Variants in MLLT10 observed in about 807,000 individuals in gnomAD.
The protein encoded by MLLT10 is protein AF-10.
MLLT10 carries 30 observed loss-of-function variants against 129.1 expected under a neutral mutation model. That is an observed-to-expected ratio of 0.23 (90% confidence interval 0.17 to 0.32). MLLT10 has a LOEUF of 0.32. Ranked by LOEUF, MLLT10 falls within the 10% of genes least tolerant of loss-of-function variation. The probability of loss-of-function intolerance (pLI) is 1.00; values close to 1 mark genes in which losing one functional copy is unlikely to be tolerated. For missense variants in MLLT10, 1,119 were observed against 1,268.3 expected, an observed-to-expected ratio of 0.88 and a Z score of 1.79; for synonymous variants, 490 against 446.4, an observed-to-expected ratio of 1.10 and a Z score of -1.23.
At chr10:21,554,831 T>TC (rs563786995) in intron 3 of MLLT10, among the ~76,000 whole-genome samples, 46 of 151,594 alleles carry the variant, frequency 3.0e-4, no homozygotes, top group African/African-American at 9.4e-4. Context: ...TTTCTTTCTT[T>TC]TTTTTTTTTA....
intron 9 of MLLT10, among the ~76,000 whole-genome samples, chr10:21,664,903 C>G (rs867174566): frequency 7.8e-5 from 11 of 141,784 alleles, no homozygotes; most frequent in Middle Eastern, 3.7e-3. Context: ...CTTATACTTT[C>G]TTTGTGCCTT....
At chr10:21,536,083 C>T (rs1264181700) in intron 2 of MLLT10, among the ~76,000 whole-genome samples, 1 of 152,194 alleles carries the variant, frequency 6.6e-6, no homozygotes, top group Admixed American at 6.5e-5. Flanking sequence ...GCTGGGATAA[C>T]AAGCACACCC....
chr10:21,539,954 A>G (rs1250033174), intron 3 of MLLT10, among the ~76,000 whole-genome samples: 1 of 150,856 alleles, frequency 6.6e-6, no homozygotes, highest in Non-Finnish European at 1.5e-5. Flanking sequence ...AAAGGAAAAA[A>G]AAAAACAAAA....
intron 5 of MLLT10, among the ~76,000 whole-genome samples, chr10:21,596,362 A>G (rs2043017539): frequency 1.3e-5 from 2 of 152,288 alleles, no homozygotes; most frequent in Admixed American, 6.5e-5. Flanking sequence ...ATAGATACTT[A>G]GTCTGTAATA....
At chr10:21,690,133 A>C (rs2053715773) in intron 13 of MLLT10, among the ~76,000 whole-genome samples, 1 of 152,128 alleles carries the variant, frequency 6.6e-6, no homozygotes, top group Non-Finnish European at 1.5e-5. Flanking sequence ...ATGTGGGTAG[A>C]GAAGACAGAA....
chr10:21,702,116 G>A (rs541061317), intron 13 of MLLT10, among the ~76,000 whole-genome samples: 7 of 151,546 alleles, frequency 4.6e-5, no homozygotes, highest in South Asian at 2.1e-4. Flanking sequence ...TAGTAGAGAC[G>A]GGATTTCACC....
intron 3 of MLLT10, among the ~76,000 whole-genome samples, chr10:21,555,599 G>A (rs368505835): frequency 2.0e-5 from 3 of 151,444 alleles, no homozygotes; most frequent in African/African-American, 7.3e-5. Context: ...CTTTTGTACT[G>A]TTTTGGCCTG....
chr10:21,636,599 A>C (rs2047489128), intron 8 of MLLT10, among the ~76,000 whole-genome samples: 1 of 146,622 alleles, frequency 6.8e-6, no homozygotes, highest in Non-Finnish European at 1.5e-5. Context: ...TTTGAGACGG[A>C]GTTTCACTCT....
Position 21,726,296 on chromosome 10 carries a change from G to A in MLLT10, c.1931G>A (p.Gly644Asp). Residue 644 changes from glycine (G) to aspartate (D), a missense_variant, in exon 15 of 23, where the codon GGC becomes GAC. Gly to Asp is a moderately conservative substitution (Grantham distance 94, BLOSUM62 -1). Around this residue, in one of 5 missense-constraint regions of MLLT10, gnomAD observed 1,004 missense variants for 1,008.7 expected, o/e 1.00. Transcript: ENST00000307729. ...SLSQAPSHMY[G>D]NRSNSSMAAL... ...AGTCAGGCACCATCTCATATGTATG[G>A]CAATAGATCAAATTCATCAATGGCA... The A allele has an allele frequency of 6.2e-7, 1 of 1,613,162 alleles. No homozygotes were observed. The highest frequency in any genetic ancestry group is 1.1e-5 in the South Asian group (1 of 90,968).
At chr10:21,696,596 A>G (rs1454475106) in intron 13 of MLLT10, among the ~76,000 whole-genome samples, 1 of 152,134 alleles carries the variant, frequency 6.6e-6, no homozygotes, top group Non-Finnish European at 1.5e-5. Context: ...TGTTGGAAAC[A>G]TCTTCTATTT....
At chr10:21,601,785 C>T (rs193039086) in intron 5 of MLLT10, among the ~76,000 whole-genome samples, 90 of 152,300 alleles carry the variant, frequency 5.9e-4, no homozygotes, top group African/African-American at 1.6e-3. Context: ...AGTTATTCTT[C>T]GACCTCAGCC....
At chr10:21,559,420 T>C (rs778395923) in intron 3 of MLLT10, among the ~76,000 whole-genome samples, 15 of 152,356 alleles carry the variant, frequency 9.8e-5, no homozygotes, top group Non-Finnish European at 2.1e-4. Context: ...TTTGAATCCA[T>C]GAACATGGTA....
rs145444407 is a variant in MLLT10, at chr10:21,727,874, A to G, written c.2009A>G (p.Asn670Ser). The G allele has an allele frequency of 7.4e-6, 12 of 1,614,062 alleles. No individual in the cohort carries two copies. The highest frequency in any genetic ancestry group is 1.6e-4 in the Middle Eastern group (1 of 6,062). Residue 670 changes from asparagine to serine, a missense_variant, in exon 16 of 23, where the codon AAT becomes AGT. Coordinates refer to ENST00000307729, the MANE Select transcript of MLLT10 (RefSeq NM_001195626.3). ...ACTACAGATCAAGATCTTGGAGACAATAGCCGCAACCTAGTTGGCAGAGGA... is the reference window on the plus strand; with the variant it reads ...ACTACAGATCAAGATCTTGGAGACAGTAGCCGCAACCTAGTTGGCAGAGGA... ...NNQTDQDLGD[N>S]SRNLVGRGSS... is the part of the protein sequence containing the mutation.
intron 3 of MLLT10, among the ~76,000 whole-genome samples, chr10:21,571,497 G>A (rs977302092): frequency 1.9e-4 from 29 of 152,234 alleles, no homozygotes; most frequent in African/African-American, 7.0e-4. Context: ...CTGGGCACAC[G>A]TGCGGCCCAT....
Position 21,740,746 on chromosome 10 carries a change from T to C in MLLT10, c.3162+510T>C, listed in dbSNP as rs77553367. Among the ~76,000 whole-genome samples, 82 of 152,394 alleles carry C rather than the reference T, an allele frequency of 5.4e-4. 1 individual carries two copies. The East Asian group carries it at 0.015, about 28-fold the overall frequency. On this transcript the variant is annotated intron_variant, in intron 22 of 22. Coordinates refer to ENST00000307729, the MANE Select transcript of MLLT10 (RefSeq NM_001195626.3). ...TTAGTTATTAATTTCATGTAAGTGA[T>C]GGCATCGTACCCTTTCAATGTGAAA...
chr10:21,549,082 G>C (rs180713767), intron 3 of MLLT10, among the ~76,000 whole-genome samples: 1 of 149,870 alleles, frequency 6.7e-6, no homozygotes, highest in Non-Finnish European at 1.5e-5. Flanking sequence ...GTGTTTGGCC[G>C]ACCAGATTAT....
intron 4 of MLLT10, among the ~76,000 whole-genome samples, chr10:21,589,329 T>G (rs1226460047): frequency 6.6e-6 from 1 of 151,808 alleles, no homozygotes; most frequent in Non-Finnish European, 1.5e-5. Flanking sequence ...CCAAAGTTTT[T>G]TTTTTTTTTT....
Position 21,733,752 on chromosome 10 carries a change from T to G in MLLT10, c.2497-16T>G. The G allele has an allele frequency of 1.3e-6, 2 of 1,589,100 alleles. No individual in the cohort carries two copies. Among genetic ancestry groups the G allele is most frequent in the Non-Finnish European group, 1.7e-6 (2 of 1,168,276 alleles). ...TAATGTCCAGTGGACTTAGTTTCTC[T>G]TCTTTCTTACGCTAGGACTTAACCT... On this transcript the variant is annotated splice_polypyrimidine_tract_variant and intron_variant, in intron 19 of 22. Transcript: ENST00000307729.
chr10:21,708,267 C>A (rs560370280), intron 13 of MLLT10, among the ~76,000 whole-genome samples: 1 of 152,320 alleles, frequency 6.6e-6, no homozygotes, highest in African/African-American at 2.4e-5. Flanking sequence ...CCTCCCTATC[C>A]TGAACAGATG....
Sources: allele counts gnomAD v4.1 joint callset (sites outside exome capture counted in the v4.1 genomes callset), GRCh38; gene constraint gnomAD v4.1.1; regional missense constraint gnomAD v4.1.1; transcripts MANE v1.5; gene names NCBI Gene and HGNC (gene_info 2026-07-23, HGNC 2026-07-21).